Variants in KIR3DL2 observed in about 807,000 individuals in gnomAD.
KIR3DL2 encodes the protein killer cell immunoglobulin like receptor, three Ig domains and long cytoplasmic tail 2.
KIR3DL2 carries 42 observed loss-of-function variants against 41.6 expected under a neutral mutation model. The observed-to-expected ratio is 1.01, with a 90% CI of 0.79 to 1.31. The LOEUF (loss-of-function observed/expected upper bound fraction) is 1.31. KIR3DL2 is among the 50% of genes most tolerant of loss of function. The pLI, the probability that KIR3DL2 is intolerant of heterozygous loss-of-function variation, is 0.00. For synonymous variants in KIR3DL2, 230 were observed against 221.3 expected (o/e 1.04, Z -0.35); for missense variants, 728 against 576.8 (o/e 1.26, Z -2.68).
rs879212678 is a variant in KIR3DL2, at chr19:54,855,668, G to A, written c.705G>A (p.Gln235=). 1.9e-6 allele frequency: 3 copies of A among 1,613,286 alleles called. 1 individual carries two copies. Among genetic ancestry groups the A allele is most frequent in the African/African-American group, 2.7e-5 (2 of 74,402 alleles). Residue 235 remains glutamine, a synonymous_variant, in exon 5 of 9, where the codon CAG becomes CAA. Transcript: ENST00000326321. ...SLSAQPGPTV[Q]AGENVTLSCS... ...CAGCCCAGCCGGGCCCCACGGTTCA[G>A]GCAGGAGAGAACGTGACCTTGTCCT...
At chr19:54,860,849 A>G (rs2065122140) in intron 6 of KIR3DL2, among the ~76,000 whole-genome samples, 1 of 142,794 alleles carries the variant, frequency 7.0e-6, no homozygotes, top group African/African-American at 2.5e-5. Flanking sequence ...GGTGAAAACA[A>G]TCTGATGTGG....
At position 54,855,807 on chromosome 19, in the gene KIR3DL2, C is replaced by A. The variant is rs1414071721; in HGVS notation, c.844C>A (p.Leu282Met). The A allele has an allele frequency of 8.1e-6, 13 of 1,613,522 alleles. No homozygotes were observed. The Admixed American group carries it at 2.2e-4, about 27-fold the overall frequency. Residue 282 changes from leucine to methionine, a missense_variant, in exon 5 of 9, where the codon CTG (leucine) becomes ATG (methionine). Transcript: ENST00000326321. ...VNRTFQADFP[L>M]GPATHGGTYR... ...CAGAACATTCCAGGCAGACTTTCCT[C>A]TGGGCCCTGCCACCCACGGAGGGAC... is the stretch of plus-strand genomic sequence containing the variant.
chr19:54,854,904 G>A (rs2064612901), intron 4 of KIR3DL2, among the ~76,000 whole-genome samples: 2 of 151,740 alleles, frequency 1.3e-5, no homozygotes, highest in South Asian at 4.1e-4. Flanking sequence ...GAGAGACTGA[G>A]AGGCAGAGAA....
chr19:54,853,928 C>T lies in KIR3DL2; in HGVS notation c.537C>T (p.Asn179=), dbSNP rs199720155. 1.3e-5 allele frequency: 21 copies of T among 1,613,308 alleles called. No individual in the cohort carries two copies. The highest frequency in any genetic ancestry group is 1.8e-5 in the Non-Finnish European group (21 of 1,179,860). Residue 179 remains asparagine (N), a synonymous_variant, in exon 4 of 9, where the codon AAC becomes AAT. Coordinates refer to ENST00000326321, the MANE Select transcript of KIR3DL2 (RefSeq NM_006737.4). Reference sequence around the variant, plus strand: ...TCCATGATGGGGTCTCCAAGGCCAACTTCTCCATCGGTCCCTTGATGCCTG... The same window carrying T: ...TCCATGATGGGGTCTCCAAGGCCAATTTCTCCATCGGTCCCTTGATGCCTG... ...GQIHDGVSKA[N]FSIGPLMPVL... is the part of the protein sequence containing the mutation.
At chr19:54,863,374 AATGGGAT>A in intron 6 of KIR3DL2, among the ~76,000 whole-genome samples, 1 of 152,050 alleles carries the variant, frequency 6.6e-6, no homozygotes. Flanking sequence ...TATACCCAGT[AATGGGAT>A]GGCTGGGTCA....
intron 8 of KIR3DL2, 46 bp downstream of exon 8, chr19:54,866,468 A>G (rs1425535662): frequency 6.2e-7 from 1 of 1,613,844 alleles, no homozygotes; most frequent in African/African-American, 1.3e-5. Flanking sequence ...CTTATCCCTA[A>G]TAGTCCTGAA....
rs777261877 is a variant in KIR3DL2 at position 54,852,256 on chromosome 19, G to A, written c.329G>A (p.Ser110Asn). 7.5e-6 allele frequency: 12 copies of A among 1,609,154 alleles called. No individual in the cohort carries two copies. The East Asian group carries it at 2.2e-4, about 30-fold the overall frequency. ...TCCCTCACTGGGTGGTCGGCACCCA[G>A]CAACCCCCTGGTGATCATGGTCACA... ...PHSLTGWSAP[S>N]NPLVIMVTGN... The change falls in exon 3 of 9, where the codon AGC becomes AAC. Residue 110 changes from serine to asparagine, a missense_variant. Ser to Asn is a conservative substitution (Grantham distance 46). Transcript: ENST00000326321.
At chr19:54,850,978 TAGGGGCCTGGA>T (rs2145539123) in intron 1 of KIR3DL2, among the ~76,000 whole-genome samples, 3 of 147,314 alleles carry the variant, frequency 2.0e-5, no homozygotes, top group Admixed American at 1.4e-4. Flanking sequence ...GGAGTGGAGA[TAGGGGCCTGGA>T]GTGGAGATAT....
chr19:54,853,078 C>A (rs2064425291), intron 3 of KIR3DL2, among the ~76,000 whole-genome samples: 1 of 151,076 alleles, frequency 6.6e-6, no homozygotes, highest in Non-Finnish European at 1.5e-5. Context: ...CCACTGCACT[C>A]CAGCCTGGGT....
chr19:54,865,742 G>GCA (rs1207739936), intron 6 of KIR3DL2, 63 bp from the exon 7 acceptor site: 6 of 1,409,244 alleles, frequency 4.3e-6, no homozygotes, highest in Non-Finnish European at 5.0e-6. Context: ...ATCAAGAAAT[G>GCA]AGACAATCCA....
intron 2 of KIR3DL2, 70 bp downstream of exon 2, chr19:54,851,325 G>A: frequency 2.6e-6 from 4 of 1,520,432 alleles, no homozygotes; most frequent in Non-Finnish European, 2.7e-6. Flanking sequence ...CAGGAGGGAA[G>A]TCCTGTCGGG....
rs560137590 is a variant in KIR3DL2, at chr19:54,860,077, C to G, written c.1000+948C>G. Among the ~76,000 whole-genome samples, 35 of 152,208 alleles carry G rather than the reference C, an allele frequency of 2.3e-4. 1 individual carries two copies. The South Asian group carries it at 4.1e-3, about 18-fold the overall frequency. ...TCTCCCGGAAATCATCCAGGATACC[C>G]TCCTTTTAAGTTCAGCTGACTAGCA... On this transcript the variant is annotated intron_variant, in intron 6 of 8. Coordinates refer to ENST00000326321, the MANE Select transcript of KIR3DL2 (RefSeq NM_006737.4).
At chr19:54,853,326 C>T (rs1458410956) in intron 3 of KIR3DL2, among the ~76,000 whole-genome samples, 1 of 151,632 alleles carries the variant, frequency 6.6e-6, no homozygotes, top group Non-Finnish European at 1.5e-5. Context: ...CCATCAGGAA[C>T]AGGGTGTGTG....
rs1386428528 is a variant in KIR3DL2, at chr19:54,856,879, C to G, written c.949+967C>G. On this transcript the variant is annotated intron_variant, in intron 5 of 8. Transcript: ENST00000326321. The stretch of plus-strand genomic sequence containing the variant: ...TGCAAATGACAGGATGTTATTGTTT[C>G]TATGGATGAGTAGTCTCCACCGTGT... Among the ~76,000 whole-genome samples, 3 of 152,216 alleles carry G rather than the reference C, an allele frequency of 2.0e-5. No homozygotes were observed. In the East Asian group the frequency reaches 5.8e-4, roughly 29 times the overall value.
chr19:54,855,780 A>T lies in KIR3DL2; in HGVS notation c.817A>T (p.Asn273Tyr), dbSNP rs1415769920. 4.3e-6 allele frequency: 7 copies of T among 1,613,332 alleles called. No individual in the cohort carries two copies. The highest frequency in any genetic ancestry group is 5.9e-6 in the Non-Finnish European group (7 of 1,179,928). Residue 273 changes from asparagine to tyrosine, a missense_variant, in exon 5 of 9, where the codon AAC (asparagine) becomes TAC (tyrosine). Asn to Tyr is a moderately radical substitution (Grantham distance 143). Coordinates refer to ENST00000326321, the MANE Select transcript of KIR3DL2 (RefSeq NM_006737.4). ...ERRLRAVPKV[N>Y]RTFQADFPLG... ...TAGGCTCCGTGCAGTGCCCAAGGTC[A>T]ACAGAACATTCCAGGCAGACTTTCC...
In KIR3DL2 at chr19:54,851,211, T is replaced by C; in HGVS notation, c.35-9T>C. 1 of 1,610,714 alleles carries C rather than the reference T, an allele frequency of 6.2e-7. No individual in the cohort carries two copies. The highest frequency in any genetic ancestry group is 1.1e-5 in the South Asian group (1 of 91,044). ...CAGTTGGATCGTCTATCATGATCTT[T>C]CTTTCCAGGGTTCTTCTTGCTGCAG... is the stretch of plus-strand genomic sequence containing the variant. On this transcript the variant is annotated splice_polypyrimidine_tract_variant and intron_variant, in intron 1 of 8. Transcript: ENST00000326321.
At chr19:54,855,432 G>A (rs1216664230) in intron 4 of KIR3DL2, among the ~76,000 whole-genome samples, 187 bp from the exon 5 acceptor site, 5 of 151,620 alleles carry the variant, frequency 3.3e-5, no homozygotes, top group Admixed American at 1.3e-4. Context: ...GTGGGGAAGT[G>A]AGGTCAGAGA....
chr19:54,863,545 A>T (rs1180849674), intron 6 of KIR3DL2, among the ~76,000 whole-genome samples: 2 of 152,054 alleles, frequency 1.3e-5, no homozygotes, highest in African/African-American at 2.4e-5. Flanking sequence ...AATGATCGCC[A>T]TTCTAACTGG....
At chr19:54,862,615 T>C (rs139042341) in intron 6 of KIR3DL2, among the ~76,000 whole-genome samples, 2 of 151,752 alleles carry the variant, frequency 1.3e-5, no homozygotes, top group East Asian at 1.9e-4. Flanking sequence ...AGCCAGAAAA[T>C]AGCCCAGCCT....
Sources: allele counts gnomAD v4.1 joint callset (sites outside exome capture counted in the v4.1 genomes callset), GRCh38; gene constraint gnomAD v4.1.1; transcripts MANE v1.5; gene names NCBI Gene and HGNC (gene_info 2026-07-23, HGNC 2026-07-21).